Variants in RIPOR2 observed in about 807,000 individuals in gnomAD.
RIPOR2 encodes RHO family interacting cell polarization regulator 2.
RIPOR2 carries 39 observed loss-of-function variants against 114.5 expected under a neutral mutation model. That is an observed-to-expected ratio of 0.34 (90% CI 0.26 to 0.44). The LOEUF (loss-of-function observed/expected upper bound fraction) is 0.44. Among genes scored for constraint, RIPOR2 ranks in the 20% least tolerant of loss-of-function variants. The pLI, the probability that RIPOR2 is intolerant of heterozygous loss-of-function variation, is 1.00. For missense variants in RIPOR2, 1,007 were observed against 1,255.1 expected (o/e 0.80, Z 2.99); for synonymous variants, 445 against 484.4 (o/e 0.92, Z 1.07).
intron 12 of RIPOR2, among the ~76,000 whole-genome samples, chr6:24,844,007 T>C (rs921218424): frequency 2.0e-5 from 3 of 152,180 alleles, no homozygotes; most frequent in Non-Finnish European, 4.4e-5. Context: ...TTGTGATGTT[T>C]TGTTCTGCTT....
chr6:24,921,086 G>A (rs1307520277), intron 1 of RIPOR2, among the ~76,000 whole-genome samples: 3 of 152,148 alleles, frequency 2.0e-5, no homozygotes, highest in Admixed American at 2.0e-4. Flanking sequence ...ATCTCATAGA[G>A]TAAAAACTCA....
At chr6:25,005,838 C>G (rs565953069) in intron 1 of RIPOR2, among the ~76,000 whole-genome samples, 3 of 150,604 alleles carry the variant, frequency 2.0e-5, no homozygotes, top group Admixed American at 6.6e-5. Context: ...GGGATCCCAG[C>G]CCTCCTACAA....
chr6:24,819,036 C>A (rs988678349), intron 19 of RIPOR2, among the ~76,000 whole-genome samples: 6 of 151,902 alleles, frequency 3.9e-5, no homozygotes, highest in Non-Finnish European at 2.9e-5. Context: ...TAAAGGCCTG[C>A]AAGCTCCTGC....
intron 1 of RIPOR2, among the ~76,000 whole-genome samples, chr6:25,014,526 T>G (rs1255668382): frequency 4.6e-5 from 7 of 152,210 alleles, no homozygotes; most frequent in Non-Finnish European, 2.9e-5. Context: ...GGAAACAGGG[T>G]TGGCATGAAC....
chr6:24,873,304 A>G (rs192158002), intron 3 of RIPOR2, among the ~76,000 whole-genome samples: 62 of 152,372 alleles, frequency 4.1e-4, no homozygotes, highest in African/African-American at 1.4e-3. Flanking sequence ...CCCATTGCAC[A>G]CTAGGAAAGT....
intron 1 of RIPOR2, among the ~76,000 whole-genome samples, chr6:24,889,973 C>A (rs1429487456): frequency 1.3e-5 from 2 of 152,104 alleles, no homozygotes; most frequent in South Asian, 2.1e-4. Context: ...CTCACTGCAA[C>A]CTCTGCCTCC....
intron 13 of RIPOR2, chr6:24,840,526 G>C: frequency 7.0e-7 from 1 of 1,424,826 alleles, no homozygotes; most frequent in Non-Finnish European, 9.2e-7. Context: ...GGGGTGGGTC[G>C]AATGGGACAA....
At chr6:25,009,036 C>T (rs1389953035) in intron 1 of RIPOR2, among the ~76,000 whole-genome samples, 1 of 152,234 alleles carries the variant, frequency 6.6e-6, no homozygotes, top group African/African-American at 2.4e-5. Context: ...TGCTGCCTCA[C>T]CTCAGAGAAG....
chr6:24,859,893 A>C (rs1420945627), intron 8 of RIPOR2, among the ~76,000 whole-genome samples: 1 of 152,254 alleles, frequency 6.6e-6, no homozygotes, highest in Admixed American at 6.5e-5. Context: ...TCAAGCTGCT[A>C]AGAAACCTCA....
At chr6:25,008,107 C>A (rs545231583) in intron 1 of RIPOR2, among the ~76,000 whole-genome samples, 2 of 152,166 alleles carry the variant, frequency 1.3e-5, no homozygotes, top group Non-Finnish European at 2.9e-5. Flanking sequence ...CCAAGACAAG[C>A]ATGGTAGCTG....
intron 1 of RIPOR2, among the ~76,000 whole-genome samples, chr6:24,961,815 T>C (rs386732): frequency 0.8 from 120,693 of 151,778 alleles, 51,536 homozygotes; most frequent in East Asian, 0.96. Context: ...TTAGTAGAGA[T>C]GGGGTTTTCC....
chr6:24,924,439 T>G (rs942755297), intron 1 of RIPOR2, among the ~76,000 whole-genome samples: 8 of 152,176 alleles, frequency 5.3e-5, no homozygotes, highest in African/African-American at 1.9e-4. Context: ...CCTTGGACGC[T>G]TGCTGTGTGC....
At chr6:24,899,736 A>C (rs757402687) in intron 1 of RIPOR2, among the ~76,000 whole-genome samples, 1 of 152,198 alleles carries the variant, frequency 6.6e-6, no homozygotes, top group Non-Finnish European at 1.5e-5. Context: ...ACAAAAGAAA[A>C]GGAATGATTC....
intron 10 of RIPOR2, among the ~76,000 whole-genome samples, chr6:24,850,294 C>T (rs1253609129): frequency 4.0e-5 from 6 of 151,592 alleles, no homozygotes; most frequent in Non-Finnish European, 8.8e-5. Flanking sequence ...GGCGTTTTGC[C>T]ATGTTGGCCA....
At chr6:25,040,509 T>C (rs542708845) in intron 1 of RIPOR2, among the ~76,000 whole-genome samples, 159 of 152,222 alleles carry the variant, frequency 1.0e-3, no homozygotes, top group African/African-American at 3.4e-3. Context: ...CCTCAGAACA[T>C]TGGTATTACA....
chr6:24,979,505 A>G (rs905495789), intron 1 of RIPOR2, among the ~76,000 whole-genome samples: 1 of 152,132 alleles, frequency 6.6e-6, no homozygotes, highest in Non-Finnish European at 1.5e-5. Flanking sequence ...ATTGAATCGC[A>G]TTCTTTTTAC....
chr6:24,987,640 G>C (rs566653793), intron 1 of RIPOR2, among the ~76,000 whole-genome samples: 2 of 152,212 alleles, frequency 1.3e-5, no homozygotes, highest in African/African-American at 4.8e-5. Flanking sequence ...TCCACACTAC[G>C]TAAAACCGGG....
At chr6:24,821,184 GTT>G (rs34318379) in intron 19 of RIPOR2, among the ~76,000 whole-genome samples, 3 of 127,962 alleles carry the variant, frequency 2.3e-5, no homozygotes, top group Admixed American at 8.2e-5. Context: ...GTTTAACACT[GTT>G]TTTTTTTTTT....
At chr6:25,010,954 T>A (rs182009129) in intron 1 of RIPOR2, among the ~76,000 whole-genome samples, 5 of 152,356 alleles carry the variant, frequency 3.3e-5, no homozygotes, top group African/African-American at 9.6e-5. Flanking sequence ...AGATAAAGAA[T>A]GGCTTCTCTG....
Sources: allele counts gnomAD v4.1 joint callset (sites outside exome capture counted in the v4.1 genomes callset), GRCh38; gene constraint gnomAD v4.1.1; transcripts MANE v1.5; gene names NCBI Gene and HGNC (gene_info 2026-07-23, HGNC 2026-07-21).